The following TMLHE variants were observed in gnomAD, a reference collection of about 807,000 sequenced individuals.
The protein encoded by TMLHE is trimethyllysine hydroxylase, epsilon.
Under a neutral mutation model 25.7 loss-of-function variants are expected in TMLHE, and 18 were observed. That is an observed-to-expected ratio of 0.70 (90% CI 0.48 to 1.04). The LOEUF (loss-of-function observed/expected upper bound fraction) is 1.04, where lower values mean the gene tolerates loss of function less well. Ranked by LOEUF, TMLHE falls within the 50% of genes least tolerant of loss-of-function variation. The pLI, the probability that TMLHE is intolerant of heterozygous loss-of-function variation, is 0.00. For synonymous variants in TMLHE, 105 were observed against 97.0 expected (o/e 1.08, Z -0.49); for missense variants, 236 against 259.0 (o/e 0.91, Z 0.61).
chrX:155,589,474 A>G (rs1042418151), intron 1 of TMLHE, among the ~76,000 whole-genome samples: 2 of 111,814 alleles, frequency 1.8e-5, no homozygotes, highest in Non-Finnish European at 1.9e-5. Flanking sequence ...AAACAATGAA[A>G]TCATGTCATT....
At chrX:155,546,364 T>A (rs1282094075) in intron 1 of TMLHE, among the ~76,000 whole-genome samples, 1 of 111,429 alleles carries the variant, frequency 9.0e-6, no homozygotes, top group Non-Finnish European at 1.9e-5. Context: ...TAAAAGGAAT[T>A]AATTTGTCCT....
At chrX:155,540,688 TAAC>T (rs1250550894) in intron 2 of TMLHE, among the ~76,000 whole-genome samples, 50 of 111,767 alleles carry the variant, frequency 4.5e-4, no homozygotes, top group African/African-American at 1.6e-3. Context: ...AAAACAAAAG[TAAC>T]AAATAATTAT....
At chrX:155,605,914 A>G (rs1557347785) in intron 1 of TMLHE, among the ~76,000 whole-genome samples, 1 of 111,751 alleles carries the variant, frequency 8.9e-6, no homozygotes, top group Non-Finnish European at 1.9e-5. Flanking sequence ...AGAAAAACCT[A>G]CAAAGCAAAC....
chrX:155,548,510 CGGAT>C (rs2067375257), intron 1 of TMLHE, among the ~76,000 whole-genome samples: 1 of 109,541 alleles, frequency 9.1e-6, no homozygotes, highest in Non-Finnish European at 1.9e-5. Context: ...TCAAGGCGGG[CGGAT>C]CACAAGGTCA....
intron 1 of TMLHE, among the ~76,000 whole-genome samples, chrX:155,606,899 A>G (rs782476123): frequency 9.0e-6 from 1 of 110,728 alleles, no homozygotes; most frequent in East Asian, 2.8e-4. Context: ...GAGACATATA[A>G]CCTCCTAAGA....
chrX:155,505,117 A>G (rs2124314671), intron 6 of TMLHE, among the ~76,000 whole-genome samples: 1 of 112,010 alleles, frequency 8.9e-6, no homozygotes, highest in East Asian at 2.8e-4. Context: ...GCAATGTATT[A>G]TACTTTAAAA....
chrX:155,525,329 G>A (rs782175572), intron 2 of TMLHE, among the ~76,000 whole-genome samples: 2 of 111,790 alleles, frequency 1.8e-5, no homozygotes, highest in African/African-American at 3.3e-5. Context: ...CCATGGTAAG[G>A]TGTGCTTGCT....
In TMLHE at chrX:155,511,732, C is replaced by T. The variant is rs144216916; in HGVS notation, c.699G>A (p.Ala233=). 4.5e-5 allele frequency: 54 copies of T among 1,199,910 alleles called. No homozygotes were observed. In the African/African-American group the frequency reaches 4.9e-4, roughly 11 times the overall value. Residue 233 remains alanine (A), a synonymous_variant, in exon 5 of 8, where the codon GCG becomes GCA. Transcript: ENST00000334398. ...FTSDFSRGDT[A]YTKLALDRHT... Reference sequence around the variant, plus strand: ...GCCGATCCAGAGCTAGCTTGGTGTACGCAGTGTCACCTCTGGAGAAGTCTG... The same window carrying T: ...GCCGATCCAGAGCTAGCTTGGTGTATGCAGTGTCACCTCTGGAGAAGTCTG...
intron 3 of TMLHE, among the ~76,000 whole-genome samples, chrX:155,516,776 G>C (rs1464374080): frequency 1.1e-3 from 23 of 20,299 alleles, no homozygotes; most frequent in African/African-American, 2.7e-3. Flanking sequence ...CAGTGATGAT[G>C]AGCATTTCTT....
At position 155,574,389 on chromosome X, in the gene TMLHE, C is replaced by T. The variant is rs186700419; in HGVS notation, c.-1-29112G>A. ...GAGACAGGCTTGTAAACAGCCTGAA[C>T]TTTGAATTTGTTTCCCATCCCACAT... On this transcript the variant is annotated intron_variant, in intron 1 of 7. Transcript: ENST00000334398. 6.9e-3 allele frequency among the ~76,000 whole-genome samples: 776 copies of T among 112,184 alleles called. 6 individuals are homozygous for T. The highest frequency in any genetic ancestry group is 0.024 in the African/African-American group (737 of 30,839).
intron 2 of TMLHE, among the ~76,000 whole-genome samples, chrX:155,537,884 T>G (rs1283078991): frequency 8.9e-6 from 1 of 111,926 alleles, no homozygotes; most frequent in Non-Finnish European, 1.9e-5. Context: ...TTTTGTTATC[T>G]TGTAAACATG....
intron 1 of TMLHE, among the ~76,000 whole-genome samples, chrX:155,556,011 A>C (rs5940519): frequency 9.2e-6 from 1 of 109,117 alleles, no homozygotes; most frequent in African/African-American, 3.3e-5. Context: ...TAGGTCTAAC[A>C]TTTAAGTCTT....
chrX:155,514,051 G>A lies in TMLHE; in HGVS notation c.573C>T (p.Phe191=), dbSNP rs145115289. The A allele has an allele frequency of 2.5e-3, 3,029 of 1,208,930 alleles. 3 individuals carry two copies. The highest frequency in any genetic ancestry group is 3.1e-3 in the Non-Finnish European group (2,770 of 894,559). Residue 191 remains phenylalanine (F), a synonymous_variant, in exon 4 of 8, where the codon TTC becomes TTT. Coordinates refer to ENST00000334398, the MANE Select transcript of TMLHE (RefSeq NM_018196.4). ...LQNFLLYGIA[F]VENVPPTQEH... ...CTTGAGTGGGAGGGACATTTTCTAC[G>A]AATGCAATTCCATAGAGCAGAAAGT...
chrX:155,605,288 C>T (rs1171721626), intron 1 of TMLHE, among the ~76,000 whole-genome samples: 1 of 111,565 alleles, frequency 9.0e-6, no homozygotes, highest in African/African-American at 3.3e-5. Context: ...CTAGAAAGGA[C>T]AACATTCAAA....
At chrX:155,568,979 G>T in intron 1 of TMLHE, among the ~76,000 whole-genome samples, 1 of 62,115 alleles carries the variant, frequency 1.6e-5, no homozygotes, top group African/African-American at 3.6e-5. Context: ...AACAAAGCTG[G>T]ATAGAGAATG....
rs1420259901 is a variant in TMLHE at position 155,568,852 on chromosome X, G to C, written c.-1-23575C>G. Among the ~76,000 whole-genome samples, 7 of 60,841 alleles carry C rather than the reference G, an allele frequency of 1.2e-4. 1 individual carries two copies. The highest frequency in any genetic ancestry group is 2.6e-4 in the African/African-American group (7 of 27,060). The allele number at this position is 60,841 out of a possible 115,157, so 52.8% of individuals were successfully genotyped here. On this transcript the variant is annotated intron_variant, in intron 1 of 7. Transcript: ENST00000334398. ...CCATCTGTACATCACCATCATCAAA[G>C]ACCAAAAGTAGATAAAACCACAAAG... is the stretch of plus-strand genomic sequence containing the variant.
chrX:155,586,297 A>C (rs1425903812), intron 1 of TMLHE, among the ~76,000 whole-genome samples: 2 of 111,200 alleles, frequency 1.8e-5, no homozygotes. Flanking sequence ...GAAATAAATT[A>C]GGGAGAGCAA....
chrX:155,600,846 C>T (rs187427452), intron 1 of TMLHE, among the ~76,000 whole-genome samples: 139 of 112,038 alleles, frequency 1.2e-3, no homozygotes, highest in African/African-American at 4.2e-3. Context: ...CCAGCCCACA[C>T]ATGGATACTT....
chrX:155,518,630 G>A (rs1196040415), intron 3 of TMLHE, among the ~76,000 whole-genome samples: 3 of 83,638 alleles, frequency 3.6e-5, no homozygotes, highest in African/African-American at 1.1e-4. Flanking sequence ...GTAGAATTCT[G>A]CTGTGAATCC....
Sources: allele counts gnomAD v4.1 joint callset (sites outside exome capture counted in the v4.1 genomes callset), GRCh38; gene constraint gnomAD v4.1.1; transcripts MANE v1.5; gene names NCBI Gene and HGNC (gene_info 2026-07-23, HGNC 2026-07-21).